Variants in RBMS1 observed in about 807,000 individuals in gnomAD.
The protein encoded by RBMS1 is RNA-binding motif, single-stranded-interacting protein 1.
In RBMS1, 17 loss-of-function variants were observed where a neutral mutation model predicts 62.3. That is an observed-to-expected ratio of 0.27 (90% CI 0.19 to 0.41). RBMS1 has a LOEUF of 0.41. Ranked by LOEUF, RBMS1 falls within the 10% of genes least tolerant of loss-of-function variation. The pLI, the probability that RBMS1 is intolerant of heterozygous loss-of-function variation, is 1.00. For synonymous variants in RBMS1, 172 were observed against 170.0 expected (o/e 1.01, Z -0.09); for missense variants, 334 against 504.5 (o/e 0.66, Z 3.24).
chr2:160,449,414 G>A (rs549671526), intron 1 of RBMS1, among the ~76,000 whole-genome samples: 1 of 152,248 alleles, frequency 6.6e-6, no homozygotes, highest in South Asian at 2.1e-4. Flanking sequence ...AAGAAAGAGA[G>A]ATCAGATTGT....
intron 1 of RBMS1, chr2:160,416,294 C>G (rs1696205679): frequency 6.6e-6 from 1 of 151,950 alleles, no homozygotes; most frequent in African/African-American, 2.4e-5. Context: ...ACTCCCAGAA[C>G]CACCCTTCCT....
chr2:160,391,691 T>C (rs1023722372), intron 1 of RBMS1, among the ~76,000 whole-genome samples: 8 of 152,108 alleles, frequency 5.3e-5, no homozygotes, highest in African/African-American at 1.4e-4. Flanking sequence ...AAATAACCAA[T>C]GTAGGGCTGG....
chr2:160,406,143 G>C (rs1695692049), intron 1 of RBMS1, among the ~76,000 whole-genome samples: 1 of 152,150 alleles, frequency 6.6e-6, no homozygotes, highest in Non-Finnish European at 1.5e-5. Flanking sequence ...CCAGGTAAAA[G>C]TTCCATGGAC....
intron 1 of RBMS1, among the ~76,000 whole-genome samples, chr2:160,413,476 A>T (rs10929984): frequency 0.25 from 38,647 of 152,130 alleles, 5,788 homozygotes; most frequent in East Asian, 0.59. Flanking sequence ...CTTTTTAAAA[A>T]ATCTGCAATT....
chr2:160,403,521 G>T (rs911601486), intron 1 of RBMS1, among the ~76,000 whole-genome samples: 18 of 152,142 alleles, frequency 1.2e-4, no homozygotes, highest in African/African-American at 4.1e-4. Flanking sequence ...AATTCCTCAC[G>T]TGCAGCTACA....
At chr2:160,323,445 C>T (rs1690693660) in intron 2 of RBMS1, among the ~76,000 whole-genome samples, 2 of 151,718 alleles carry the variant, frequency 1.3e-5, no homozygotes, top group Non-Finnish European at 2.9e-5. Flanking sequence ...CACTGCACTC[C>T]AGCCTGGGTG....
intron 1 of RBMS1, among the ~76,000 whole-genome samples, chr2:160,449,051 C>T (rs1277839684): frequency 3.3e-5 from 5 of 150,874 alleles, no homozygotes; most frequent in Non-Finnish European, 5.9e-5. Flanking sequence ...GGAGCCCCTC[C>T]GCCCGGCAGC....
At chr2:160,486,672 A>C (rs952317711) in intron 1 of RBMS1, among the ~76,000 whole-genome samples, 6 of 152,224 alleles carry the variant, frequency 3.9e-5, no homozygotes, top group African/African-American at 1.4e-4. Flanking sequence ...CTTATTTTGA[A>C]AGAATTAAAG....
At chr2:160,414,320 T>C (rs1696139328) in intron 1 of RBMS1, among the ~76,000 whole-genome samples, 1 of 152,180 alleles carries the variant, frequency 6.6e-6, no homozygotes, top group African/African-American at 2.4e-5. Flanking sequence ...TGTTTTTTTT[T>C]CTGGAATCAT....
chr2:160,407,818 A>G (rs1438044217), intron 1 of RBMS1: 19 of 980,840 alleles, frequency 1.9e-5, no homozygotes, highest in Non-Finnish European at 2.3e-5. Flanking sequence ...TCGCGCGCGG[A>G]GCTGGCGGCG....
At chr2:160,492,100 G>C (rs1685856961) in intron 1 of RBMS1, among the ~76,000 whole-genome samples, 1 of 152,166 alleles carries the variant, frequency 6.6e-6, no homozygotes, top group African/African-American at 2.4e-5. Flanking sequence ...TACCAGGCCG[G>C]AAATGCCCAA....
chr2:160,328,759 A>G (rs1691093024), intron 2 of RBMS1, among the ~76,000 whole-genome samples: 1 of 152,194 alleles, frequency 6.6e-6, no homozygotes, highest in African/African-American at 2.4e-5. Context: ...ACTGTTTTTC[A>G]AGTGTCTCTA....
chr2:160,340,082 A>G (rs900229374), intron 2 of RBMS1, among the ~76,000 whole-genome samples: 1 of 152,194 alleles, frequency 6.6e-6, no homozygotes, highest in Non-Finnish European at 1.5e-5. Context: ...CAATGGTATT[A>G]CTTTTTGATT....
At chr2:160,327,302 A>T (rs1690990360) in intron 2 of RBMS1, among the ~76,000 whole-genome samples, 1 of 152,214 alleles carries the variant, frequency 6.6e-6, no homozygotes, top group Non-Finnish European at 1.5e-5. Flanking sequence ...TCTTACCAAC[A>T]TGCCTGGGTG....
Position 160,462,701 on chromosome 2 carries a change from C to A in RBMS1, c.75+30588G>T, listed in dbSNP as rs139325197. ...TCGGCTCACTGCAACCTCTGCCTCT[C>A]GGGTTCAAGCGATTCTCCTGCCTCA... On this transcript the variant is annotated intron_variant, in intron 1 of 13. Coordinates refer to ENST00000348849, the MANE Select transcript of RBMS1 (RefSeq NM_016836.4). Among the ~76,000 whole-genome samples the A allele has an allele frequency of 8.0e-3, 1,225 of 152,202 alleles. 13 individuals carry two copies. The highest frequency in any genetic ancestry group is 0.027 in the African/African-American group (1,119 of 41,530).
chr2:160,451,248 C>T (rs1000180345), intron 1 of RBMS1, among the ~76,000 whole-genome samples: 18 of 152,006 alleles, frequency 1.2e-4, no homozygotes, highest in African/African-American at 3.6e-4. Context: ...AAGAAACACT[C>T]AGGATCTCTA....
At chr2:160,443,133 G>A (rs1457499595) in intron 1 of RBMS1, among the ~76,000 whole-genome samples, 6 of 151,758 alleles carry the variant, frequency 4.0e-5, no homozygotes, top group African/African-American at 1.5e-4. Flanking sequence ...TGGAACCCAG[G>A]AGGCGGAGGT....
At chr2:160,341,336 T>A (rs1691862803) in intron 2 of RBMS1, among the ~76,000 whole-genome samples, 2 of 152,168 alleles carry the variant, frequency 1.3e-5, no homozygotes, top group South Asian at 2.1e-4. Flanking sequence ...TACTACCATC[T>A]TCAGTCCCAT....
At chr2:160,393,800 C>G (rs2105217002) in intron 1 of RBMS1, among the ~76,000 whole-genome samples, 1 of 149,270 alleles carries the variant, frequency 6.7e-6, no homozygotes, top group Non-Finnish European at 1.5e-5. Context: ...GAAAAGAAAA[C>G]AAGAAAAAGA....
Sources: allele counts gnomAD v4.1 joint callset (sites outside exome capture counted in the v4.1 genomes callset), GRCh38; gene constraint gnomAD v4.1.1; transcripts MANE v1.5; gene names NCBI Gene and HGNC (gene_info 2026-07-23, HGNC 2026-07-21).